The following EDIL3 variants were observed in gnomAD, a reference collection of about 807,000 sequenced individuals.
EDIL3 encodes EGF-like repeat and discoidin I-like domain-containing protein 3.
Under a neutral mutation model 67.4 loss-of-function variants are expected in EDIL3, and 37 were observed. The ratio of observed to expected loss-of-function variants is 0.55; its 90% CI spans 0.42 to 0.72. The LOEUF is 0.72. Ranked by LOEUF, EDIL3 falls within the 30% of genes least tolerant of loss-of-function variation. The pLI, the probability that EDIL3 is intolerant of heterozygous loss-of-function variation, is 0.00. For missense variants in EDIL3, 527 were observed against 586.3 expected (o/e 0.90, Z 1.04); for synonymous variants, 195 against 196.3 (o/e 0.99, Z 0.05).
intron 1 of EDIL3, among the ~76,000 whole-genome samples, chr5:84,276,105 C>G (rs1261182249): frequency 6.6e-6 from 1 of 152,142 alleles, no homozygotes; most frequent in African/African-American, 2.4e-5. Context: ...TGTTTTCCTT[C>G]CTACACACCT....
intron 3 of EDIL3, among the ~76,000 whole-genome samples, chr5:84,204,294 A>G (rs1015561226): frequency 3.9e-5 from 6 of 152,180 alleles, no homozygotes; most frequent in Non-Finnish European, 8.8e-5. Flanking sequence ...CCTCAAAACT[A>G]ACAATATAGG....
chr5:84,143,488 C>G (rs1748240773), intron 4 of EDIL3, among the ~76,000 whole-genome samples: 1 of 152,066 alleles, frequency 6.6e-6, no homozygotes, highest in Non-Finnish European at 1.5e-5. Context: ...CCATCTCTAT[C>G]CTGACATCCT....
chr5:84,220,071 C>T (rs1580383685), intron 3 of EDIL3, among the ~76,000 whole-genome samples: 1 of 151,986 alleles, frequency 6.6e-6, no homozygotes, highest in Non-Finnish European at 1.5e-5. Context: ...CTGCAGTCAA[C>T]AATAATTTAT....
chr5:84,278,534 C>T (rs985988419), intron 1 of EDIL3, among the ~76,000 whole-genome samples: 5 of 152,172 alleles, frequency 3.3e-5, no homozygotes, highest in East Asian at 1.9e-4. Context: ...ATGTTGAGGA[C>T]CTACCACGTG....
At chr5:84,331,440 T>A (rs1746869149) in intron 1 of EDIL3, among the ~76,000 whole-genome samples, 1 of 152,190 alleles carries the variant, frequency 6.6e-6, no homozygotes, top group African/African-American at 2.4e-5. Context: ...ATTACCCTCA[T>A]GCTTTTCTCA....
chr5:84,242,209 G>A (rs1039267015), intron 2 of EDIL3, among the ~76,000 whole-genome samples: 1 of 151,854 alleles, frequency 6.6e-6, no homozygotes, highest in Non-Finnish European at 1.5e-5. Flanking sequence ...TCCAGCCTGC[G>A]CGGCAGAGCG....
chr5:84,363,917 C>T (rs746889864), intron 1 of EDIL3, among the ~76,000 whole-genome samples: 6 of 152,104 alleles, frequency 3.9e-5, no homozygotes, highest in Non-Finnish European at 8.8e-5. Flanking sequence ...TTTTGATCAT[C>T]GCTTGGGTTC....
intron 3 of EDIL3, among the ~76,000 whole-genome samples, chr5:84,218,160 T>TA (rs1487334153): frequency 6.6e-6 from 1 of 152,182 alleles, no homozygotes; most frequent in Non-Finnish European, 1.5e-5. Context: ...CCCCCAAGCT[T>TA]AAAAATGTGA....
intron 4 of EDIL3, among the ~76,000 whole-genome samples, chr5:84,165,435 C>T (rs191438444): frequency 2.0e-5 from 3 of 152,280 alleles, no homozygotes; most frequent in African/African-American, 7.2e-5. Flanking sequence ...CTCAAGGCAT[C>T]ATTTCTCACA....
chr5:84,047,279 A>G (rs1746241148), intron 9 of EDIL3, among the ~76,000 whole-genome samples: 1 of 152,124 alleles, frequency 6.6e-6, no homozygotes. Context: ...CTTATTAAAT[A>G]TTAAGTAAGT....
At chr5:84,315,574 T>C (rs1275114689) in intron 1 of EDIL3, among the ~76,000 whole-genome samples, 1 of 152,186 alleles carries the variant, frequency 6.6e-6, no homozygotes, top group African/African-American at 2.4e-5. Context: ...AGGAATTTAA[T>C]GTAATTAATA....
intron 2 of EDIL3, among the ~76,000 whole-genome samples, chr5:84,251,521 G>A (rs887978660): frequency 6.6e-6 from 1 of 151,818 alleles, no homozygotes; most frequent in African/African-American, 2.4e-5. Flanking sequence ...CCCAAGGTAA[G>A]CTAGATATTA....
At chr5:84,049,868 T>A (rs1746297613) in intron 9 of EDIL3, among the ~76,000 whole-genome samples, 1 of 152,138 alleles carries the variant, frequency 6.6e-6, no homozygotes, top group East Asian at 1.9e-4. Context: ...TAGCAGCAAC[T>A]CAAGAAAGCT....
intron 2 of EDIL3, among the ~76,000 whole-genome samples, chr5:84,247,396 C>T (rs898606486): frequency 7.2e-5 from 11 of 151,858 alleles, no homozygotes; most frequent in African/African-American, 2.2e-4. Flanking sequence ...AGAAGTCTTT[C>T]GGACAACGTC....
At chr5:84,189,343 A>G (rs1743530352) in intron 3 of EDIL3, among the ~76,000 whole-genome samples, 1 of 151,830 alleles carries the variant, frequency 6.6e-6, no homozygotes, top group Admixed American at 6.6e-5. Flanking sequence ...CACTTAAACT[A>G]TTGTTTAGAG....
intron 3 of EDIL3, among the ~76,000 whole-genome samples, chr5:84,187,376 G>A (rs771193642): frequency 6.0e-4 from 92 of 152,094 alleles, no homozygotes; most frequent in Non-Finnish European, 1.1e-3. Flanking sequence ...GACTGTGCCC[G>A]AAATCATGAA....
intron 10 of EDIL3, among the ~76,000 whole-genome samples, chr5:83,949,495 A>G (rs369901571): frequency 3.7e-4 from 56 of 152,028 alleles, no homozygotes; most frequent in African/African-American, 1.1e-3. Flanking sequence ...ATTGTAACAT[A>G]TTAGACAATC....
intron 10 of EDIL3, among the ~76,000 whole-genome samples, chr5:83,945,127 A>G (rs1406877920): frequency 6.6e-6 from 1 of 152,022 alleles, no homozygotes; most frequent in Admixed American, 6.6e-5. Flanking sequence ...TTCTGCTGGC[A>G]TATCTAAATT....
intron 5 of EDIL3, among the ~76,000 whole-genome samples, chr5:84,123,461 C>G (rs1037386608): frequency 8.6e-5 from 13 of 151,872 alleles, no homozygotes; most frequent in Admixed American, 6.6e-5. Flanking sequence ...CTGTATATTT[C>G]TCTTTTCTAT....
Sources: allele counts gnomAD v4.1 joint callset (sites outside exome capture counted in the v4.1 genomes callset), GRCh38; gene constraint gnomAD v4.1.1; transcripts MANE v1.5; gene names NCBI Gene and HGNC (gene_info 2026-07-23, HGNC 2026-07-21).